Variants in KMT2C observed in about 807,000 individuals in gnomAD.
KMT2C encodes lysine methyltransferase 2C.
In KMT2C, 88 loss-of-function variants were observed where a neutral mutation model predicts 507.9. The ratio of observed to expected loss-of-function variants is 0.17; its 90% CI spans 0.15 to 0.21. KMT2C has a LOEUF of 0.21. Among genes scored for constraint, KMT2C ranks in the 10% least tolerant of loss-of-function variants. KMT2C has a pLI of 1.00. For synonymous variants in KMT2C, 2,049 were observed against 2,080.8 expected (o/e 0.98, Z 0.42); for missense variants, 4,954 against 5,957.8 (o/e 0.83, Z 5.55).
rs1277277131 is a variant in KMT2C, at chr7:152,148,447, T to A, written c.13480A>T (p.Met4494Leu). 6.2e-7 allele frequency: 1 copy of A among 1,614,272 alleles called. No individual in the cohort carries two copies. The highest frequency in any genetic ancestry group is 8.5e-7 in the Non-Finnish European group (1 of 1,180,054). ...HFTCAIKAQC[M>L]FFKDKTMLCP... ...AGCATAGTTTTGTCCTTAAAAAACATGCATTGTGCTTTAATGGCGCAAGTG... is the reference window on the plus strand; with the variant it reads ...AGCATAGTTTTGTCCTTAAAAAACAAGCATTGTGCTTTAATGGCGCAAGTG... The change falls in exon 52 of 59, where the codon ATG (methionine) becomes TTG (leucine). Residue 4494 changes from methionine (M) to leucine (L), a missense_variant. Around this residue, in one of 29 missense-constraint regions of KMT2C, gnomAD observed 221 missense variants for 304.7 expected, o/e 0.73. Transcript: ENST00000262189. The surrounding 1 kb of genome is among the most constrained non-coding windows in gnomAD (Gnocchi z 7.1).
chr7:152,175,310 T>C (rs1293065308), intron 38 of KMT2C, among the ~76,000 whole-genome samples: 4 of 152,086 alleles, frequency 2.6e-5, no homozygotes, highest in Admixed American at 6.5e-5. Flanking sequence ...TATGCCCAGC[T>C]AATTTTTTGT....
chr7:152,264,489 G>A (rs2095830637), intron 8 of KMT2C, among the ~76,000 whole-genome samples: 1 of 152,130 alleles, frequency 6.6e-6, no homozygotes, highest in South Asian at 2.1e-4. Context: ...GAATTATGCT[G>A]ACCAGGATCT....
chr7:152,312,056 TA>T, intron 4 of KMT2C, 110 bp from the exon 5 acceptor site: 1 of 772,348 alleles, frequency 1.3e-6, no homozygotes, highest in South Asian at 2.7e-5. Flanking sequence ...TATCAGCCAT[TA>T]ACTGTCATAA....
At chr7:152,375,453 T>G (rs994272132) in intron 1 of KMT2C, among the ~76,000 whole-genome samples, 13 of 151,702 alleles carry the variant, frequency 8.6e-5, no homozygotes, top group Admixed American at 2.0e-4. Context: ...TGGGATGATC[T>G]TGGCTCAATG....
rs2129092661 is a variant in KMT2C at position 152,144,721 on chromosome 7, G to A, written c.14335C>T (p.Arg4779Trp). 6.2e-7 allele frequency: 1 copy of A among 1,613,594 alleles called. No individual in the cohort carries two copies. The highest frequency in any genetic ancestry group is 8.5e-7 in the Non-Finnish European group (1 of 1,179,638). ...WKSNVYLARS[R>W]IQGLGLYAAR... ...ACAAAGTATTTCTTCACCTGAATCC[G>A]AGACCGTGCCAGATACACATTGGAT... Residue 4779 changes from arginine to tryptophan, a missense_variant, in exon 55 of 59, where the codon CGG becomes TGG. Around this residue, in one of 29 missense-constraint regions of KMT2C, gnomAD observed 133 missense variants for 258.9 expected, o/e 0.51. Coordinates refer to ENST00000262189, the MANE Select transcript of KMT2C (RefSeq NM_170606.3). The surrounding 1 kb of genome is among the most constrained non-coding windows in gnomAD (Gnocchi z 4.4).
At chr7:152,238,021 A>G (rs1171451914) in intron 15 of KMT2C, among the ~76,000 whole-genome samples, 1 of 152,274 alleles carries the variant, frequency 6.6e-6, no homozygotes, top group Non-Finnish European at 1.5e-5. Context: ...TAGGGAGGTT[A>G]AAAAACAATA....
At chr7:152,276,688 G>A (rs1366259942) in intron 6 of KMT2C, among the ~76,000 whole-genome samples, 1 of 151,994 alleles carries the variant, frequency 6.6e-6, no homozygotes, top group Non-Finnish European at 1.5e-5. Context: ...AGGAGGTTGA[G>A]GCTGCAGTGA....
At chr7:152,428,458 C>CAAAAAAAAAAA (rs140697569) in intron 1 of KMT2C, among the ~76,000 whole-genome samples, 6 of 73,514 alleles carry the variant, frequency 8.2e-5, no homozygotes, top group African/African-American at 1.0e-4. Flanking sequence ...ACTAAAAATA[C>CAAAAAAAAAAA]AAAAAAAAAA....
At chr7:152,292,351 G>A (rs1588964825) in intron 6 of KMT2C, among the ~76,000 whole-genome samples, 1 of 152,034 alleles carries the variant, frequency 6.6e-6, no homozygotes, top group Non-Finnish European at 1.5e-5. Flanking sequence ...CACACATACT[G>A]ACAAACTGTA....
intron 37 of KMT2C, among the ~76,000 whole-genome samples, chr7:152,178,356 T>TTATC (rs1003866522): frequency 6.6e-6 from 1 of 152,130 alleles, no homozygotes; most frequent in Non-Finnish European, 1.5e-5. Flanking sequence ...AGAGTTTCTT[T>TTATC]TATCTATATT....
At chr7:152,187,608 C>T (rs190791005) in intron 32 of KMT2C, 107 bp downstream of exon 32, 26 of 1,446,176 alleles carry the variant, frequency 1.8e-5, no homozygotes, top group Middle Eastern at 1.8e-4. Flanking sequence ...CCACAATAAA[C>T]GCAACATACA....
intron 1 of KMT2C, among the ~76,000 whole-genome samples, chr7:152,378,245 C>T (rs62495477): frequency 9.3e-4 from 141 of 152,286 alleles, no homozygotes; most frequent in Middle Eastern, 6.8e-3. Context: ...AACAGCATCA[C>T]GTGCTACAGA....
rs557561524 is a variant in KMT2C, at chr7:152,408,651, A to G, written c.161+26975T>C. 2.0e-5 allele frequency among the ~76,000 whole-genome samples: 3 copies of G among 152,214 alleles called. No homozygotes were observed. The South Asian group carries it at 6.2e-4, about 32-fold the overall frequency. Reference sequence around the variant, plus strand: ...GGCTGCATGCTTCTTATGAGAATCTAACTAACCTAACTAATGCCTGATGAT... The same window carrying G: ...GGCTGCATGCTTCTTATGAGAATCTGACTAACCTAACTAATGCCTGATGAT... On this transcript the variant is annotated intron_variant, in intron 1 of 58. Transcript: ENST00000262189.
chr7:152,147,723 A>AAAAAAAAAAAAG (rs1554454320), intron 52 of KMT2C, among the ~76,000 whole-genome samples: 7 of 133,916 alleles, frequency 5.2e-5, no homozygotes, highest in Non-Finnish European at 9.2e-5. Flanking sequence ...AAAAAAAAAA[A>AAAAAAAAAAAAG]AAAAAGAAAA....
At chr7:152,146,187 G>A (rs774132753) in intron 53 of KMT2C, among the ~76,000 whole-genome samples, 8 of 152,208 alleles carry the variant, frequency 5.3e-5, no homozygotes, top group Non-Finnish European at 7.3e-5. Context: ...CTGCCCTCTA[G>A]TGACTTCATC....
intron 50 of KMT2C, 94 bp downstream of exon 50, chr7:152,151,348 T>TA: frequency 7.8e-7 from 1 of 1,284,232 alleles, no homozygotes; most frequent in Non-Finnish European, 1.1e-6. Flanking sequence ...CACACCACCA[T>TA]AAGTGGTGTC....
At position 152,176,805 on chromosome 7, in the gene KMT2C, T is replaced by C. The variant is rs372945174; in HGVS notation, c.8648A>G (p.Asn2883Ser). 135 of 1,614,088 alleles carry C rather than the reference T, an allele frequency of 8.4e-5. No individual in the cohort carries two copies. Among genetic ancestry groups the C allele is most frequent in the Middle Eastern group, 1.6e-4 (1 of 6,084 alleles). Residue 2883 changes from asparagine to serine, a missense_variant, in exon 38 of 59, where the codon AAT (asparagine) becomes AGT (serine). By Grantham distance (46) the Asn-to-Ser change is conservative (BLOSUM62 1). This residue lies in a region of KMT2C where 1,689 missense variants were observed against 1,654.3 expected (regional missense o/e 1.02). Coordinates refer to ENST00000262189, the MANE Select transcript of KMT2C (RefSeq NM_170606.3). ...TGCACTGGGGCCAGCAGTTTCTCGA[T>C]TGGTTCTTTTCTCAAATAGATCTGG... ...CDPDLFEKRTNRETAGPSANV... is the reference protein window; with the variant it reads ...CDPDLFEKRTSRETAGPSANV...
At chr7:152,141,677 C>T (rs2090562577) in intron 55 of KMT2C, among the ~76,000 whole-genome samples, 1 of 145,478 alleles carries the variant, frequency 6.9e-6, no homozygotes, top group Non-Finnish European at 1.5e-5. Flanking sequence ...CGTGCCACTG[C>T]ACTCCAGCCT....
Position 152,393,003 on chromosome 7 carries a change from G to C in KMT2C, c.162-34328C>G, listed in dbSNP as rs2097511961. 6.6e-5 allele frequency among the ~76,000 whole-genome samples: 10 copies of C among 152,264 alleles called. No individual in the cohort carries two copies. The South Asian group carries it at 2.1e-3, about 32-fold the overall frequency. The stretch of plus-strand genomic sequence containing the variant: ...CCAGCTACTCTGGAGGCTGAGTAGA[G>C]GGAGGATTACTTGAGCCAGGGAGGT... On this transcript the variant is annotated intron_variant, in intron 1 of 58. Coordinates refer to ENST00000262189, the MANE Select transcript of KMT2C (RefSeq NM_170606.3).
Sources: gnomAD v4.1 joint callset for allele counts (sites outside exome capture counted in the v4.1 genomes callset) on GRCh38, gnomAD v4.1.1 for gene constraint, gnomAD v4.1.1 regional missense constraint, Gnocchi (gnomAD v3.1) non-coding constraint, MANE v1.5 for transcripts, NCBI Gene and HGNC (gene_info 2026-07-23, HGNC 2026-07-21) for gene names.